Variants in ZBTB18 observed in about 807,000 individuals in gnomAD.
ZBTB18 encodes zinc finger and BTB domain-containing protein 18.
ZBTB18 carries 2 observed loss-of-function variants against 37.7 expected under a neutral mutation model. The ratio of observed to expected loss-of-function variants is 0.05; its 90% CI spans 0.02 to 0.17. ZBTB18 has a LOEUF of 0.17. ZBTB18 is among the 10% of genes least tolerant of loss of function. ZBTB18 has a pLI of 1.00. For missense variants in ZBTB18, 408 were observed against 686.3 expected, an observed-to-expected ratio of 0.59 and a Z score of 4.53; for synonymous variants, 304 against 276.5, an observed-to-expected ratio of 1.10 and a Z score of -0.99.
In ZBTB18 at chr1:244,055,413, T is replaced by C; in HGVS notation, c.*43T>C. The C allele has an allele frequency of 1.6e-6, 1 of 638,162 alleles. No individual in the cohort carries two copies. The highest frequency in any genetic ancestry group is 2.2e-6 in the Non-Finnish European group (1 of 462,118). The allele number at this position is 638,162 out of a possible 1,614,324, so 39.5% of individuals were successfully genotyped here. On this transcript the variant is annotated 3_prime_UTR_variant, in exon 2 of 2. Transcript: ENST00000358704. This position sits in a 1 kb window ranked among gnomAD's most constrained non-coding sequence, Gnocchi z 7.0. ...TAATATATATATATATACATATATA[T>C]AAATAGATCTCTATATAGTTGTGGT...
At chr1:244,048,914 C>T, upstream of ZBTB18, 2 of 159,614 alleles carry the variant, frequency 1.3e-5, no homozygotes, top group Non-Finnish European at 2.6e-5. Context: ...CCGGCGGCGG[C>T]GGCGGCGGCC....
intron 1 of ZBTB18, among the ~76,000 whole-genome samples, chr1:244,051,795 G>A (rs1327617103): frequency 6.6e-6 from 1 of 152,136 alleles, no homozygotes; most frequent in Non-Finnish European, 1.5e-5. Context: ...TAGTAAACTG[G>A]AATCCAGCAT....
In ZBTB18 at chr1:244,054,675, A is replaced by G. The variant is rs1297818384; in HGVS notation, c.901A>G (p.Met301Val). Reference sequence around the variant, plus strand: ...TGATGTTGGCACTAATGACTATGACATGGAACATAGCACTGTGAAAGAAAG... The same window carrying G: ...TGATGTTGGCACTAATGACTATGACGTGGAACATAGCACTGTGAAAGAAAG... ...ESDVGTNDYD[M>V]EHSTVKESVS... The change falls in exon 2 of 2, where the codon ATG becomes GTG. Residue 301 changes from methionine to valine, a missense_variant. Physicochemically the swap from Met to Val is conservative, Grantham distance 21. Transcript: ENST00000358704. This position sits in a 1 kb window ranked among gnomAD's most constrained non-coding sequence, Gnocchi z 9.0. 1 of 1,614,102 alleles carries G rather than the reference A, an allele frequency of 6.2e-7. No homozygotes were observed. Among genetic ancestry groups the G allele is most frequent in the Non-Finnish European group, 8.5e-7 (1 of 1,180,044 alleles).
chr1:244,054,409 C>G lies in ZBTB18; in HGVS notation c.635C>G (p.Pro212Arg). ...GIPQAGGEAE[P>R]HATAAGKTVA... Reference sequence around the variant, plus strand: ...CCCCAGGCTGGCGGAGAGGCAGAGCCACACGCCACAGCAGCTGGAAAAACA... The same window carrying G: ...CCCCAGGCTGGCGGAGAGGCAGAGCGACACGCCACAGCAGCTGGAAAAACA... The change falls in exon 2 of 2, where the codon CCA becomes CGA. Residue 212 changes from proline to arginine, a missense_variant. This residue lies in a region of ZBTB18 where 266 missense variants were observed against 312.0 expected (regional missense o/e 0.85). Transcript: ENST00000358704. This position sits in a 1 kb window ranked among gnomAD's most constrained non-coding sequence, Gnocchi z 9.0. 1.2e-6 allele frequency: 2 copies of G among 1,614,168 alleles called. No individual in the cohort carries two copies. Among genetic ancestry groups the G allele is most frequent in the South Asian group, 2.2e-5 (2 of 91,088 alleles).
rs1445231939 is a variant in ZBTB18, at chr1:244,053,392, A to G, written c.14-396A>G. The stretch of plus-strand genomic sequence containing the variant: ...TTTGGGACTTTTCTTTGTTTATTAT[A>G]TGAGTTGTTCCCTTTGAAATTAAAG... On this transcript the variant is annotated intron_variant, in intron 1 of 1. Transcript: ENST00000358704. This position sits in a 1 kb window ranked among gnomAD's most constrained non-coding sequence, Gnocchi z 5.2. Among the ~76,000 whole-genome samples, 1 of 152,148 alleles carries G rather than the reference A, an allele frequency of 6.6e-6. No homozygotes were observed. The highest frequency in any genetic ancestry group is 2.4e-5 in the African/African-American group (1 of 41,424).
Position 244,055,214 on chromosome 1 carries a change from C to T in ZBTB18, c.1440C>T (p.Cys480=), listed in dbSNP as rs749034043. 7.4e-6 allele frequency: 12 copies of T among 1,613,878 alleles called. No individual in the cohort carries two copies. The highest frequency in any genetic ancestry group is 2.2e-5 in the East Asian group (1 of 44,882). ...AGAAGCCGCACGCCTGCAAGTGGTG[C>T]GAGCGCAGGTTCACGCAGTCCGGGG... The part of the protein sequence containing the change: ...TREKPHACKW[C]ERRFTQSGDL... Residue 480 remains cysteine (C), a synonymous_variant, in exon 2 of 2, where the codon TGC becomes TGT. Coordinates refer to ENST00000358704, the MANE Select transcript of ZBTB18 (RefSeq NM_205768.3). This position sits in a 1 kb window ranked among gnomAD's most constrained non-coding sequence, Gnocchi z 7.0.
Position 244,054,993 on chromosome 1 carries a change from G to A in ZBTB18, c.1219G>A (p.Gly407Ser), listed in dbSNP as rs935801923. The A allele has an allele frequency of 8.1e-6, 13 of 1,613,984 alleles. No individual in the cohort carries two copies. The highest frequency in any genetic ancestry group is 4.0e-5 in the African/African-American group (3 of 74,930). Residue 407 changes from glycine to serine, a missense_variant, in exon 2 of 2, where the codon GGC becomes AGC. By Grantham distance (56) the Gly-to-Ser change is moderately conservative. Around this residue, in one of 4 missense-constraint regions of ZBTB18, gnomAD observed 266 missense variants for 312.0 expected, o/e 0.85. Coordinates refer to ENST00000358704, the MANE Select transcript of ZBTB18 (RefSeq NM_205768.3). The surrounding 1 kb of genome is among the most constrained non-coding windows in gnomAD (Gnocchi z 9.0). ...GAGCACGCACTTCCGCGAGCAGGACGGCATCCGCAGCAAGCCCGCCGCCGA... is the reference window on the plus strand; with the variant it reads ...GAGCACGCACTTCCGCGAGCAGGACAGCATCCGCAGCAAGCCCGCCGCCGA... The part of the protein sequence containing the change: ...HLSTHFREQD[G>S]IRSKPAADVN...
Position 244,051,393 on chromosome 1 carries a change from G to C in ZBTB18, c.-39G>C. ...TTTTTCCACCGATGTAACAGACCTG[G>C]AGCCAGCAGGACTCAGAGGAAAGGA... On this transcript the variant is annotated 5_prime_UTR_variant, in exon 1 of 2. Transcript: ENST00000358704. 1 of 1,613,604 alleles carries C rather than the reference G, an allele frequency of 6.2e-7. No homozygotes were observed.
Position 244,055,116 on chromosome 1 carries a change from A to T in ZBTB18, c.1342A>T (p.Thr448Ser), listed in dbSNP as rs1418550518. 6.2e-7 allele frequency: 1 copy of T among 1,614,138 alleles called. No homozygotes were observed. The highest frequency in any genetic ancestry group is 1.6e-4 in the Middle Eastern group (1 of 6,062). ...GACTCACTCGGGGGAGAAGCCCTAC[A>T]CATGCACCCAGTGCGGCAAGAGCTT... ...ERTHSGEKPY[T>S]CTQCGKSFQY... The change falls in exon 2 of 2, where the codon ACA (threonine) becomes TCA (serine). Residue 448 changes from threonine to serine, a missense_variant. Around this residue, in one of 4 missense-constraint regions of ZBTB18, gnomAD observed 25 missense variants for 117.3 expected, o/e 0.21. Coordinates refer to ENST00000358704, the MANE Select transcript of ZBTB18 (RefSeq NM_205768.3). This position sits in a 1 kb window ranked among gnomAD's most constrained non-coding sequence, Gnocchi z 7.0.
chr1:244,056,406 C>T lies in ZBTB18; in HGVS notation c.*1036C>T, dbSNP rs1046849511. On this transcript the variant is annotated 3_prime_UTR_variant, in exon 2 of 2. Coordinates refer to ENST00000358704, the MANE Select transcript of ZBTB18 (RefSeq NM_205768.3). ...AAAAACTTAAGCTGCAAATTGATAA[C>T]TTCGCTACATAACAAGGAAAATATA... is the stretch of plus-strand genomic sequence containing the variant. The T allele has an allele frequency of 9.0e-5, 15 of 167,042 alleles. No individual in the cohort carries two copies. The highest frequency in any genetic ancestry group is 2.2e-4 in the Non-Finnish European group (15 of 68,110). 10.3% of individuals were successfully genotyped at this position (167,042 alleles called of 1,614,324 possible).
In ZBTB18 at chr1:244,054,548, A is replaced by G. The variant is rs754726132; in HGVS notation, c.774A>G (p.Ser258=). The G allele has an allele frequency of 3.7e-6, 6 of 1,614,230 alleles. No homozygotes were observed. In the Admixed American group the frequency reaches 6.7e-5, roughly 18 times the overall value. Residue 258 remains serine, a synonymous_variant, in exon 2 of 2, where the codon TCA becomes TCG. Coordinates refer to ENST00000358704, the MANE Select transcript of ZBTB18 (RefSeq NM_205768.3). This position sits in a 1 kb window ranked among gnomAD's most constrained non-coding sequence, Gnocchi z 9.0. ...VLDLSVKSSL[S]GVENLNSSYF... ...ACCTGTCTGTCAAGTCCAGCCTTTC[A>G]GGAGTTGAAAATCTGAACAGCTCTT...
In ZBTB18 at chr1:244,055,014, G is replaced by C; in HGVS notation, c.1240G>C (p.Ala414Pro). ...GGACGGCATCCGCAGCAAGCCCGCCGCCGATGTCAACGTGCCCACGTGCTC... is the reference window on the plus strand; with the variant it reads ...GGACGGCATCCGCAGCAAGCCCGCCCCCGATGTCAACGTGCCCACGTGCTC... ...EQDGIRSKPA[A>P]DVNVPTCSLC... The change falls in exon 2 of 2, where the codon GCC (alanine) becomes CCC (proline). Residue 414 changes from alanine to proline, a missense_variant. Around this residue, in one of 4 missense-constraint regions of ZBTB18, gnomAD observed 266 missense variants for 312.0 expected, o/e 0.85. Coordinates refer to ENST00000358704, the MANE Select transcript of ZBTB18 (RefSeq NM_205768.3). The surrounding 1 kb of genome is among the most constrained non-coding windows in gnomAD (Gnocchi z 7.0). 1 of 1,614,160 alleles carries C rather than the reference G, an allele frequency of 6.2e-7. No homozygotes were observed. Among genetic ancestry groups the C allele is most frequent in the South Asian group, 1.1e-5 (1 of 91,084 alleles).
chr1:244,053,769 G>A lies in ZBTB18; in HGVS notation c.14-19G>A. 6.3e-7 allele frequency: 1 copy of A among 1,586,660 alleles called. No individual in the cohort carries two copies. Among genetic ancestry groups the A allele is most frequent in the Non-Finnish European group, 8.6e-7 (1 of 1,165,238 alleles). On this transcript the variant is annotated intron_variant, in intron 1 of 1. Coordinates refer to ENST00000358704, the MANE Select transcript of ZBTB18 (RefSeq NM_205768.3). The surrounding 1 kb of genome is among the most constrained non-coding windows in gnomAD (Gnocchi z 5.2). ...GTTGTTCCTGACCAGGCTCTAATGA[G>A]AAATTCCTCTCTCCCCAGGTTATGA... is the stretch of plus-strand genomic sequence containing the variant.
At position 244,054,590 on chromosome 1, in the gene ZBTB18, C is replaced by T. The variant is rs757329510; in HGVS notation, c.816C>T (p.Asp272=). The change falls in exon 2 of 2, where the codon GAC becomes GAT. Residue 272 remains aspartate (D), a synonymous_variant. Coordinates refer to ENST00000358704, the MANE Select transcript of ZBTB18 (RefSeq NM_205768.3). This position sits in a 1 kb window ranked among gnomAD's most constrained non-coding sequence, Gnocchi z 9.0. ...ACAGCTCTTATTTCTCTTCACAGGA[C>T]GTGCTGAGAAGCAACCTGGTGCAGG... ...NLNSSYFSSQ[D]VLRSNLVQVK... is the part of the protein sequence containing the mutation. 3.2e-5 allele frequency: 52 copies of T among 1,614,112 alleles called. No individual in the cohort carries two copies. Among genetic ancestry groups the T allele is most frequent in the African/African-American group, 4.0e-5 (3 of 74,936 alleles).
Position 244,053,908 on chromosome 1 carries a change from G to A in ZBTB18, c.134G>A (p.Arg45Gln), listed in dbSNP as rs1412295106. 1.9e-6 allele frequency: 3 copies of A among 1,613,968 alleles called. No individual in the cohort carries two copies. Among genetic ancestry groups the A allele is most frequent in the Admixed American group, 1.7e-5 (1 of 59,996 alleles). ...GTTCTGGTGGGAGATGCCCAGTTCC[G>A]AGCGCACCGAGCTGTACTGGCTTCA... Reference protein sequence around the residue: ...CTVLVGDAQFRAHRAVLASCS... With the variant: ...CTVLVGDAQFQAHRAVLASCS... Residue 45 changes from arginine (R) to glutamine (Q), a missense_variant, in exon 2 of 2, where the codon CGA (arginine) becomes CAA (glutamine). This residue lies in a region of ZBTB18 where 95 missense variants were observed against 218.7 expected (regional missense o/e 0.43). Transcript: ENST00000358704. This position sits in a 1 kb window ranked among gnomAD's most constrained non-coding sequence, Gnocchi z 5.2.
Position 244,054,542 on chromosome 1 carries a change from C to T in ZBTB18, c.768C>T (p.Ser256=). ...DCVLDLSVKS[S]LSGVENLNSS... ...TGCTGGACCTGTCTGTCAAGTCCAGCCTTTCAGGAGTTGAAAATCTGAACA... is the reference window on the plus strand; with the variant it reads ...TGCTGGACCTGTCTGTCAAGTCCAGTCTTTCAGGAGTTGAAAATCTGAACA... Residue 256 remains serine, a synonymous_variant, in exon 2 of 2, where the codon AGC becomes AGT. Transcript: ENST00000358704. The surrounding 1 kb of genome is among the most constrained non-coding windows in gnomAD (Gnocchi z 9.0). 1.3e-5 allele frequency: 21 copies of T among 1,614,218 alleles called. No homozygotes were observed. Among genetic ancestry groups the T allele is most frequent in the Non-Finnish European group, 1.8e-5 (21 of 1,180,036 alleles).
upstream of ZBTB18, among the ~76,000 whole-genome samples, chr1:244,049,451 G>A (rs1319152610): frequency 1.3e-5 from 2 of 150,836 alleles, no homozygotes; most frequent in Non-Finnish European, 3.0e-5. Context: ...GTGGCGCCCG[G>A]GGGAGGGGGC....
rs1040758174 is a variant in ZBTB18 at position 244,053,705 on chromosome 1, G to T, written c.14-83G>T. 6.6e-7 allele frequency: 1 copy of T among 1,522,230 alleles called. No homozygotes were observed. Among genetic ancestry groups the T allele is most frequent in the Non-Finnish European group, 8.8e-7 (1 of 1,137,744 alleles). 94.3% of individuals were successfully genotyped at this position (1,522,230 alleles called of 1,614,324 possible). On this transcript the variant is annotated intron_variant, in intron 1 of 1. Transcript: ENST00000358704. This position sits in a 1 kb window ranked among gnomAD's most constrained non-coding sequence, Gnocchi z 5.2. ...GGACATGTACCACGGCGGCCAAAGC[G>T]GAATTAATTTTTTTATATGGGGACT...
At chr1:244,048,646 C>T (rs1377290643), upstream of ZBTB18, among the ~76,000 whole-genome samples, 1 of 146,974 alleles carries the variant, frequency 6.8e-6, no homozygotes, top group Non-Finnish European at 1.5e-5. Context: ...CCCGCCCCCG[C>T]CCCCCCACCC....
Sources: allele counts gnomAD v4.1 joint callset (sites outside exome capture counted in the v4.1 genomes callset), GRCh38; gene constraint gnomAD v4.1.1; regional missense constraint gnomAD v4.1.1; non-coding constraint Gnocchi (gnomAD v3.1); transcripts MANE v1.5; gene names NCBI Gene and HGNC (gene_info 2026-07-23, HGNC 2026-07-21).